Variants in ZNF585B observed in about 807,000 individuals in gnomAD.
The protein encoded by ZNF585B is zinc finger protein 585B.
In ZNF585B, 7 loss-of-function variants were observed where a neutral mutation model predicts 14.0. The observed-to-expected ratio is 0.50, with a 90% CI of 0.28 to 0.94. The LOEUF (loss-of-function observed/expected upper bound fraction) is 0.94, where lower values mean the gene tolerates loss of function less well. Among genes scored for constraint, ZNF585B ranks in the 40% least tolerant of loss-of-function variants. ZNF585B has a pLI of 0.09. For missense variants in ZNF585B, 750 were observed against 924.4 expected (o/e 0.81, Z 2.45); for synonymous variants, 290 against 317.3 (o/e 0.91, Z 0.91).
intron 2 of ZNF585B, among the ~76,000 whole-genome samples, chr19:37,198,744 G>GAA (rs61435592): frequency 5.8e-5 from 6 of 104,022 alleles, no homozygotes; most frequent in African/African-American, 9.8e-5. Context: ...CTCAGAAAAA[G>GAA]AAAAAAAAAA....
chr19:37,206,526 G>A (rs903216878), intron 2 of ZNF585B, among the ~76,000 whole-genome samples: 9 of 152,058 alleles, frequency 5.9e-5, no homozygotes, highest in Non-Finnish European at 1.2e-4. Flanking sequence ...AATGTGGATA[G>A]TGGTAATGAG....
rs1472742286 is a variant in ZNF585B, at chr19:37,181,598, C to A, written c.*3629G>T. ...CACAGGTGTTTATAGCATCTTTATT[C>A]ATAATCAACAAAACTTGGAAGCAAT... On this transcript the variant is annotated 3_prime_UTR_variant, in exon 5 of 5. Coordinates refer to ENST00000532828, the MANE Select transcript of ZNF585B (RefSeq NM_152279.4). 1 of 150,718 alleles carries A rather than the reference C, an allele frequency of 6.6e-6. No individual in the cohort carries two copies. The highest frequency in any genetic ancestry group is 1.5e-5 in the Non-Finnish European group (1 of 67,876). The allele number at this position is 150,718 out of a possible 1,614,324, so 9.3% of individuals were successfully genotyped here.
rs969976852 is a variant in ZNF585B, at chr19:37,183,128, T to C, written c.*2099A>G. On this transcript the variant is annotated 3_prime_UTR_variant, in exon 5 of 5. Coordinates refer to ENST00000532828, the MANE Select transcript of ZNF585B (RefSeq NM_152279.4). ...TTGGAGCTGTGGGATTCTGGAATCA[T>C]GGCAGGAAATCCTGGAAGCAAGCAT... 5 of 152,228 alleles carry C rather than the reference T, an allele frequency of 3.3e-5. No individual in the cohort carries two copies. Among genetic ancestry groups the C allele is most frequent in the Admixed American group, 2.0e-4 (3 of 15,284 alleles). The allele number at this position is 152,228 out of a possible 1,614,324, so 9.4% of individuals were successfully genotyped here.
chr19:37,182,979 G>C lies in ZNF585B; in HGVS notation c.*2248C>G, dbSNP rs960031968. 6.6e-6 allele frequency: 1 copy of C among 152,252 alleles called. No individual in the cohort carries two copies. The highest frequency in any genetic ancestry group is 1.5e-5 in the Non-Finnish European group (1 of 68,112). The allele number at this position is 152,252 out of a possible 1,614,324, so 9.4% of individuals were successfully genotyped here. On this transcript the variant is annotated 3_prime_UTR_variant, in exon 5 of 5. Transcript: ENST00000532828. ...CTATTGGCTTCAGGCACTCCTCTCG[G>C]GGCAGGATGAGCAGGTGTGTGGATT...
At chr19:37,187,498 T>C (rs1345562609) in intron 4 of ZNF585B, among the ~76,000 whole-genome samples, 1 of 152,232 alleles carries the variant, frequency 6.6e-6, no homozygotes, top group African/African-American at 2.4e-5. Context: ...TAAAGCAACA[T>C]CACTTAGATA....
At position 37,186,166 on chromosome 19, in the gene ZNF585B, T is replaced by C; in HGVS notation, c.1371A>G (p.Lys457=). The change falls in exon 5 of 5, where the codon AAA becomes AAG. Residue 457 remains lysine, a synonymous_variant. Transcript: ENST00000532828. ...AGGGCTTTTCTCCTGTGTGAATTCG[T>C]TTATGAACATGGAGTTGTGACTTGG... ...FTSKSQLHVH[K]RIHTGEKPYV... is the part of the protein sequence containing the mutation. 2 of 1,614,186 alleles carry C rather than the reference T, an allele frequency of 1.2e-6. No individual in the cohort carries two copies. Among genetic ancestry groups the C allele is most frequent in the Non-Finnish European group, 1.7e-6 (2 of 1,180,036 alleles).
chr19:37,208,860 C>T (rs1210036610), intron 1 of ZNF585B, among the ~76,000 whole-genome samples: 3 of 151,870 alleles, frequency 2.0e-5, no homozygotes, highest in African/African-American at 4.8e-5. Context: ...GGCGTGGTGG[C>T]GGGCACTTGA....
chr19:37,197,589 T>A (rs1972480886), intron 2 of ZNF585B, among the ~76,000 whole-genome samples: 1 of 152,192 alleles, frequency 6.6e-6, no homozygotes, highest in Non-Finnish European at 1.5e-5. Flanking sequence ...TAATTTACAC[T>A]CCCACCAACA....
At position 37,207,132 on chromosome 19, in the gene ZNF585B, C is replaced by A; in HGVS notation, c.-21G>T. On this transcript the variant is annotated 5_prime_UTR_variant, in exon 2 of 5. In the 5' UTR this introduces an upstream ATG that the reference lacks. Coordinates refer to ENST00000532828, the MANE Select transcript of ZNF585B (RefSeq NM_152279.4). Reference sequence around the variant, plus strand: ...GGCATGGCCACACTGGATCTCAACCCTTTTTGTCTAGGGTGCCTGAAGTTT... The same window carrying A: ...GGCATGGCCACACTGGATCTCAACCATTTTTGTCTAGGGTGCCTGAAGTTT... The A allele has an allele frequency of 6.2e-7, 1 of 1,613,970 alleles. No individual in the cohort carries two copies. Among genetic ancestry groups the A allele is most frequent in the Non-Finnish European group, 8.5e-7 (1 of 1,180,000 alleles).
Position 37,186,414 on chromosome 19 carries a change from T to C in ZNF585B, c.1123A>G (p.Ile375Val). 2 of 1,614,182 alleles carry C rather than the reference T, an allele frequency of 1.2e-6. No individual in the cohort carries two copies. Among genetic ancestry groups the C allele is most frequent in the South Asian group, 2.2e-5 (2 of 91,086 alleles). The part of the protein sequence containing the change: ...YRSELIIHQR[I>V]HTGEKPYECS... ...TCATAAGGTTTCTCTCCAGTGTGAA[T>C]TCTCTGATGAATAATCAACTCTGAC... The change falls in exon 5 of 5, where the codon ATT (isoleucine) becomes GTT (valine). Residue 375 changes from isoleucine (I) to valine (V), a missense_variant. Physicochemically the swap from Ile to Val is conservative, Grantham distance 29 (BLOSUM62 3). Transcript: ENST00000532828.
rs1226257585 is a variant in ZNF585B at position 37,187,031 on chromosome 19, T to C, written c.506A>G (p.Gln169Arg). 1.2e-6 allele frequency: 2 copies of C among 1,612,912 alleles called. No individual in the cohort carries two copies. The highest frequency in any genetic ancestry group is 2.7e-5 in the African/African-American group (2 of 74,820). Reference protein sequence around the residue: ...VCIECGRAFVQKPEFITHQKT... With the variant: ...VCIECGRAFVRKPEFITHQKT... The stretch of plus-strand genomic sequence containing the variant: ...CTGATGTGTGATGAATTCTGGCTTC[T>C]GTACAAAAGCCCTCCCACATTCAAT... The change falls in exon 5 of 5, where the codon CAG becomes CGG. Residue 169 changes from glutamine to arginine, a missense_variant. Gln to Arg is a conservative substitution (Grantham distance 43). Coordinates refer to ENST00000532828, the MANE Select transcript of ZNF585B (RefSeq NM_152279.4).
chr19:37,193,712 C>T (rs1972429827), intron 2 of ZNF585B, among the ~76,000 whole-genome samples: 1 of 151,206 alleles, frequency 6.6e-6, no homozygotes, highest in Non-Finnish European at 1.5e-5. Context: ...CCCGGGAGGT[C>T]GAAGCTCCAG....
chr19:37,198,856 G>A, intron 2 of ZNF585B: 2 of 685,466 alleles, frequency 2.9e-6, no homozygotes, highest in Non-Finnish European at 2.3e-6. Flanking sequence ...GGGAGGGTAT[G>A]AGCATGCAGA....
rs558947344 is a variant in ZNF585B at position 37,208,971 on chromosome 19, G to A, written c.-144+1470C>T. Among the ~76,000 whole-genome samples, 10 of 151,892 alleles carry A rather than the reference G, an allele frequency of 6.6e-5. No individual in the cohort carries two copies. In the East Asian group the frequency reaches 1.7e-3, roughly 26 times the overall value. ...CACGGCATTGCACTCCAGCCTGGGCGACAGAGCAAGACTCTGTCTCAAAAA... is the reference window on the plus strand; with the variant it reads ...CACGGCATTGCACTCCAGCCTGGGCAACAGAGCAAGACTCTGTCTCAAAAA... On this transcript the variant is annotated intron_variant, in intron 1 of 4. Transcript: ENST00000532828.
rs56330606 is a variant in ZNF585B at position 37,183,051 on chromosome 19, A to G, written c.*2176T>C. On this transcript the variant is annotated 3_prime_UTR_variant, in exon 5 of 5. Transcript: ENST00000532828. Reference sequence around the variant, plus strand: ...TCTGTCGAGTTGCAACTGAGACAGGACAGCGCTGTGCATGCTGAGGAAAAA... The same window carrying G: ...TCTGTCGAGTTGCAACTGAGACAGGGCAGCGCTGTGCATGCTGAGGAAAAA... 55,993 of 152,078 alleles carry G rather than the reference A, an allele frequency of 0.37. 10,655 individuals are homozygous for G. The highest frequency in any genetic ancestry group is 0.44 in the African/African-American group (18,042 of 41,434). The allele number at this position is 152,078 out of a possible 1,614,324, so 9.4% of individuals were successfully genotyped here.
chr19:37,190,627 G>A (rs187777477), intron 2 of ZNF585B, among the ~76,000 whole-genome samples: 3 of 149,722 alleles, frequency 2.0e-5, no homozygotes, highest in African/African-American at 2.5e-5. Flanking sequence ...GTGCAATGGC[G>A]TGATCTTGGC....
At chr19:37,209,879 C>A (rs949206569) in intron 1 of ZNF585B, among the ~76,000 whole-genome samples, 3 of 151,868 alleles carry the variant, frequency 2.0e-5, no homozygotes, top group African/African-American at 7.3e-5. Context: ...CCACGCCCGG[C>A]TAATTTTTTG....
chr19:37,206,925 CT>C (rs1389766597), intron 2 of ZNF585B, 114 bp downstream of exon 2: 1 of 1,326,034 alleles, frequency 7.5e-7, no homozygotes, highest in Non-Finnish European at 1.1e-6. Context: ...AGCACCAAGT[CT>C]AGAGTCCAGC....
chr19:37,197,135 C>T (rs1459651833), intron 2 of ZNF585B, among the ~76,000 whole-genome samples: 3 of 151,972 alleles, frequency 2.0e-5, no homozygotes, highest in Non-Finnish European at 2.9e-5. Context: ...CTCCCAGCCC[C>T]CCACCCCACA....
Sources: allele counts gnomAD v4.1 joint callset (sites outside exome capture counted in the v4.1 genomes callset), GRCh38; gene constraint gnomAD v4.1.1; transcripts MANE v1.5; gene names NCBI Gene and HGNC (gene_info 2026-07-23, HGNC 2026-07-21).